The following WASF1 variants were observed in gnomAD, a reference collection of about 807,000 sequenced individuals.
WASF1 encodes WASP family member 1, also known as actin-binding protein WASF1.
Under a neutral mutation model 50.5 loss-of-function variants are expected in WASF1, and 7 were observed. That is an observed-to-expected ratio of 0.14 (90% confidence interval 0.08 to 0.26). The LOEUF is 0.26. Among genes scored for constraint, WASF1 ranks in the 10% least tolerant of loss-of-function variants. The pLI, the probability that WASF1 is intolerant of heterozygous loss-of-function variation, is 1.00. For missense variants in WASF1, 470 were observed against 694.7 expected (o/e 0.68, Z 3.64); for synonymous variants, 205 against 244.0 (o/e 0.84, Z 1.49).
At chr6:110,148,710 C>G (rs1327012442) in intron 3 of WASF1, among the ~76,000 whole-genome samples, 1 of 152,090 alleles carries the variant, frequency 6.6e-6, no homozygotes, top group South Asian at 2.1e-4. Flanking sequence ...CAGGAATGAC[C>G]ATTCATTCTA....
intron 4 of WASF1, among the ~76,000 whole-genome samples, chr6:110,127,029 C>T (rs1774447107): frequency 6.6e-6 from 1 of 152,076 alleles, no homozygotes; most frequent in Admixed American, 6.5e-5. Context: ...GACCCCATAC[C>T]TCTCACCTTA....
intron 3 of WASF1, among the ~76,000 whole-genome samples, chr6:110,134,623 A>T (rs1774862236): frequency 6.6e-6 from 1 of 151,872 alleles, no homozygotes; most frequent in South Asian, 2.1e-4. Flanking sequence ...ACAGGGTTTC[A>T]CTATGTTGTT....
chr6:110,113,370 C>T lies in WASF1; in HGVS notation c.224G>A (p.Arg75His), dbSNP rs753761742. 32 of 1,603,168 alleles carry T rather than the reference C, an allele frequency of 2.0e-5. No homozygotes were observed. The highest frequency in any genetic ancestry group is 1.1e-4 in the East Asian group (5 of 44,314). Residue 75 changes from arginine (R) to histidine (H), a missense_variant, in exon 5 of 11, where the codon CGT becomes CAT. This residue lies in a region of WASF1 where 140 missense variants were observed against 260.5 expected (regional missense o/e 0.54). Coordinates refer to ENST00000392589, the MANE Select transcript of WASF1 (RefSeq NM_003931.3). The stretch of plus-strand genomic sequence containing the variant: ...AAGCTGTGTAACACTAACAGATAAA[C>T]GGTCCACACGTTCTTGCAATGAGTT... The part of the protein sequence containing the change: ...RVNSLQERVD[R>H]LSVSVTQLDP...
intron 4 of WASF1, among the ~76,000 whole-genome samples, chr6:110,124,278 A>G (rs201011747): frequency 3.5e-5 from 1 of 28,522 alleles, no homozygotes; most frequent in African/African-American, 1.7e-4. Context: ...CTCTCTCTAT[A>G]TATATATATA....
At position 110,117,786 on chromosome 6, in the gene WASF1, G is replaced by A. The variant is rs1264521719; in HGVS notation, c.134-4326C>T. Among the ~76,000 whole-genome samples the A allele has an allele frequency of 9.2e-5, 14 of 152,042 alleles. 1 individual carries two copies. Among genetic ancestry groups the A allele is most frequent in the Non-Finnish European group, 1.5e-5 (1 of 67,984 alleles). On this transcript the variant is annotated intron_variant, in intron 4 of 10. Coordinates refer to ENST00000392589, the MANE Select transcript of WASF1 (RefSeq NM_003931.3). Reference sequence around the variant, plus strand: ...GAGAAAGGTCGGGTTACCTACAAAGGGAAGCCCATCAGACTAACAGCGGAT... The same window carrying A: ...GAGAAAGGTCGGGTTACCTACAAAGAGAAGCCCATCAGACTAACAGCGGAT...
intron 2 of WASF1, among the ~76,000 whole-genome samples, chr6:110,171,919 G>A (rs1776733342): frequency 2.6e-5 from 4 of 152,032 alleles, no homozygotes; most frequent in Admixed American, 2.6e-4. Flanking sequence ...GCAGCCAACA[G>A]ACACATGAAA....
Position 110,103,537 on chromosome 6 carries a change from T to C in WASF1, c.734A>G (p.His245Arg). The C allele has an allele frequency of 6.2e-7, 1 of 1,613,534 alleles. No individual in the cohort carries two copies. Among genetic ancestry groups the C allele is most frequent in the Non-Finnish European group, 8.5e-7 (1 of 1,179,638 alleles). Residue 245 changes from histidine (H) to arginine (R), a missense_variant, in exon 9 of 11, where the codon CAT (histidine) becomes CGT (arginine). Physicochemically the swap from His to Arg is conservative, Grantham distance 29. Around this residue, in one of 3 missense-constraint regions of WASF1, gnomAD observed 294 missense variants for 343.5 expected, o/e 0.86. Coordinates refer to ENST00000392589, the MANE Select transcript of WASF1 (RefSeq NM_003931.3). ...AGAAAGTGAGTAAGATCCATCCATA[T>C]GATCCACGTATGTCTGAGGTCTAAA... Reference protein sequence around the residue: ...FETRPQTYVDHMDGSYSLSAL... With the variant: ...FETRPQTYVDRMDGSYSLSAL...
intron 2 of WASF1, among the ~76,000 whole-genome samples, chr6:110,167,471 C>T (rs865882432): frequency 7.9e-5 from 12 of 151,962 alleles, no homozygotes; most frequent in Admixed American, 2.6e-4. Flanking sequence ...TCTGACCCTG[C>T]GTAGGCCTAG....
intron 3 of WASF1, among the ~76,000 whole-genome samples, chr6:110,146,372 T>C (rs956116502): frequency 6.6e-6 from 1 of 151,564 alleles, no homozygotes; most frequent in Non-Finnish European, 1.5e-5. Flanking sequence ...AATTTGAGTA[T>C]AAGAATGTTT....
At position 110,101,904 on chromosome 6, in the gene WASF1, T is replaced by C; in HGVS notation, c.1206A>G (p.Arg402=). Reference sequence around the variant, plus strand: ...GTACAGTCTCACATACTGGGGCAGCTCTAGCTACTGGTGGAGAGGGCTGTA... The same window carrying C: ...GTACAGTCTCACATACTGGGGCAGCCCTAGCTACTGGTGGAGAGGGCTGTA... The part of the protein sequence containing the change: ...PLVQPSPPVA[R]AAPVCETVPV... Residue 402 remains arginine, a synonymous_variant, in exon 10 of 11, where the codon AGA becomes AGG. Coordinates refer to ENST00000392589, the MANE Select transcript of WASF1 (RefSeq NM_003931.3). 1.2e-6 allele frequency: 2 copies of C among 1,612,960 alleles called. No individual in the cohort carries two copies. Among genetic ancestry groups the C allele is most frequent in the Non-Finnish European group, 1.7e-6 (2 of 1,179,478 alleles).
chr6:110,147,584 A>G (rs12660645), intron 3 of WASF1, among the ~76,000 whole-genome samples: 2 of 152,188 alleles, frequency 1.3e-5, no homozygotes, highest in African/African-American at 4.8e-5. Context: ...AGAAGACTGT[A>G]TATAGTCATC....
intron 2 of WASF1, among the ~76,000 whole-genome samples, chr6:110,174,139 C>T (rs1227508995): frequency 6.6e-6 from 1 of 152,164 alleles, no homozygotes; most frequent in East Asian, 1.9e-4. Context: ...CCCTCTTACA[C>T]TAAGCTTTAA....
intron 2 of WASF1, among the ~76,000 whole-genome samples, chr6:110,161,204 T>A (rs1776249210): frequency 6.6e-6 from 1 of 151,674 alleles, no homozygotes; most frequent in African/African-American, 2.4e-5. Context: ...ACTTATGTTA[T>A]AGTCTTTTAC....
At chr6:110,102,680 G>T (rs991343427) in intron 9 of WASF1, among the ~76,000 whole-genome samples, 1 of 151,094 alleles carries the variant, frequency 6.6e-6, no homozygotes, top group Non-Finnish European at 1.5e-5. Context: ...ACCACAAAAA[G>T]AAATTTACAG....
intron 3 of WASF1, among the ~76,000 whole-genome samples, chr6:110,129,507 G>A (rs77450105): frequency 0.073 from 11,095 of 152,134 alleles, 550 homozygotes; most frequent in African/African-American, 0.14. Flanking sequence ...GAAGGAATAT[G>A]TTCCAAAGGA....
intron 3 of WASF1, among the ~76,000 whole-genome samples, chr6:110,133,774 T>C (rs918779366): frequency 2.0e-5 from 3 of 152,188 alleles, no homozygotes; most frequent in African/African-American, 7.2e-5. Context: ...TGAATATTAA[T>C]CCATTGTCAG....
intron 1 of WASF1, among the ~76,000 whole-genome samples, chr6:110,179,031 G>C (rs75817440): frequency 0.019 from 2,941 of 152,350 alleles, 92 homozygotes; most frequent in African/African-American, 0.067. Context: ...CGAGCCTCGC[G>C]CACGTAGGGC....
intron 3 of WASF1, 27 bp downstream of exon 3, chr6:110,160,608 T>C (rs1776223989): frequency 6.6e-6 from 1 of 151,768 alleles, no homozygotes; most frequent in Non-Finnish European, 1.5e-5. Flanking sequence ...GGAGTTGCCA[T>C]TGAGATACAT....
At chr6:110,170,381 C>T (rs1017632042) in intron 2 of WASF1, among the ~76,000 whole-genome samples, 3 of 152,044 alleles carry the variant, frequency 2.0e-5, no homozygotes, top group Non-Finnish European at 1.5e-5. Context: ...TGTGACCACA[C>T]CTGGCTAATT....
Sources: gnomAD v4.1 joint callset for allele counts (sites outside exome capture counted in the v4.1 genomes callset) on GRCh38, gnomAD v4.1.1 for gene constraint, gnomAD v4.1.1 regional missense constraint, MANE v1.5 for transcripts, NCBI Gene and HGNC (gene_info 2026-07-23, HGNC 2026-07-21) for gene names.